Variants in RNF144A observed in about 807,000 individuals in gnomAD.
The protein encoded by RNF144A is ring finger protein 144A, also known as E3 ubiquitin-protein ligase RNF144A.
In RNF144A, 11 loss-of-function variants were observed where a neutral mutation model predicts 38.7. The observed-to-expected ratio is 0.28, with a 90% confidence interval of 0.18 to 0.47. The LOEUF (loss-of-function observed/expected upper bound fraction) is 0.47, where lower values mean the gene tolerates loss of function less well. Ranked by LOEUF, RNF144A falls within the 20% of genes least tolerant of loss-of-function variation. The probability of loss-of-function intolerance (pLI) is 0.99; values close to 1 mark genes in which losing one functional copy is unlikely to be tolerated. For missense variants in RNF144A, 316 were observed against 377.2 expected, an observed-to-expected ratio of 0.84 and a Z score of 1.34; for synonymous variants, 149 against 143.9, an observed-to-expected ratio of 1.04 and a Z score of -0.25.
chr2:7,059,040 A>G (rs531705446), intron 6 of RNF144A, among the ~76,000 whole-genome samples: 3 of 151,660 alleles, frequency 2.0e-5, no homozygotes, highest in Non-Finnish European at 4.4e-5. Flanking sequence ...GAGGTGAAAA[A>G]CCTGTTTAAA....
intron 3 of RNF144A, among the ~76,000 whole-genome samples, chr2:7,011,893 T>C (rs1305178990): frequency 6.6e-6 from 1 of 152,240 alleles, no homozygotes; most frequent in Non-Finnish European, 1.5e-5. Flanking sequence ...TCCCAGAACA[T>C]AATCCTTTTG....
At chr2:6,997,104 A>T (rs1467099714) in intron 3 of RNF144A, 43 bp downstream of exon 3, 1 of 1,602,302 alleles carries the variant, frequency 6.2e-7, no homozygotes, top group African/African-American at 1.3e-5. Flanking sequence ...TGATTTTAGG[A>T]TGAGCTTTTT....
intron 2 of RNF144A, among the ~76,000 whole-genome samples, chr2:6,985,185 A>G (rs1012783117): frequency 4.6e-5 from 7 of 152,106 alleles, no homozygotes; most frequent in African/African-American, 1.7e-4. Flanking sequence ...CTGATAAATG[A>G]AAGGTGATTC....
chr2:6,945,482 GTCT>G (rs1248794265), intron 2 of RNF144A, among the ~76,000 whole-genome samples: 1 of 152,206 alleles, frequency 6.6e-6, no homozygotes, highest in Non-Finnish European at 1.5e-5. Context: ...TGCTGGGTCA[GTCT>G]TCTCTGAGCC....
At chr2:6,986,204 C>T (rs1266423167) in intron 2 of RNF144A, among the ~76,000 whole-genome samples, 4 of 152,034 alleles carry the variant, frequency 2.6e-5, no homozygotes, top group Admixed American at 2.6e-4. Flanking sequence ...GTGACAGCCT[C>T]AGGGTCACAT....
intron 2 of RNF144A, among the ~76,000 whole-genome samples, chr2:6,975,788 A>G (rs1329180312): frequency 3.9e-5 from 6 of 152,218 alleles, no homozygotes; most frequent in Non-Finnish European, 8.8e-5. Context: ...ATTGCACCAC[A>G]GCACTCTAGC....
At chr2:6,976,445 T>A (rs1668319736) in intron 2 of RNF144A, among the ~76,000 whole-genome samples, 2 of 151,634 alleles carry the variant, frequency 1.3e-5, no homozygotes, top group South Asian at 4.2e-4. Flanking sequence ...TACTTCTCAA[T>A]TTATAAAGTT....
In RNF144A at chr2:6,991,264, G is replaced by A. The variant is rs144296239; in HGVS notation, c.-11-5652G>A. ...CATCATCTGCTTGGGAGGAGACAGC[G>A]TCCAAGTACTTTCCTAAAGCGTCAT... On this transcript the variant is annotated intron_variant, in intron 2 of 8. Coordinates refer to ENST00000320892, the MANE Select transcript of RNF144A (RefSeq NM_014746.6). Among the ~76,000 whole-genome samples the A allele has an allele frequency of 2.1e-3, 315 of 152,202 alleles. 2 individuals are homozygous for A. The highest frequency in any genetic ancestry group is 7.2e-3 in the African/African-American group (300 of 41,512).
intron 1 of RNF144A, among the ~76,000 whole-genome samples, chr2:6,919,146 C>T (rs1377204501): frequency 2.0e-5 from 3 of 152,058 alleles, no homozygotes; most frequent in African/African-American, 7.2e-5. Context: ...AAAGGGAGTC[C>T]CCTTTGCAAG....
intron 2 of RNF144A, among the ~76,000 whole-genome samples, chr2:6,960,996 G>A (rs1444218552): frequency 6.6e-6 from 1 of 152,160 alleles, no homozygotes; most frequent in Non-Finnish European, 1.5e-5. Context: ...GTGTTTGGTA[G>A]TGAAGAAAGC....
downstream of RNF144A, among the ~76,000 whole-genome samples, chr2:7,047,550 C>T (rs189784494): frequency 6.6e-6 from 1 of 152,272 alleles, no homozygotes; most frequent in East Asian, 1.9e-4. Flanking sequence ...AGACCAGCAC[C>T]AGTGATTCAA....
rs541480311 is a variant in RNF144A, at chr2:7,026,329, C to A, written c.657+1813C>A. Among the ~76,000 whole-genome samples, 167 of 152,266 alleles carry A rather than the reference C, an allele frequency of 1.1e-3. 1 individual carries two copies. The highest frequency in any genetic ancestry group is 3.7e-3 in the African/African-American group (152 of 41,544). On this transcript the variant is annotated intron_variant, in intron 7 of 8. Coordinates refer to ENST00000320892, the MANE Select transcript of RNF144A (RefSeq NM_014746.6). ...GGGTAAAATGTCACCATCTTCTATCCTGAGGCTTCATTTTTACTTCCTAGG... is the reference window on the plus strand; with the variant it reads ...GGGTAAAATGTCACCATCTTCTATCATGAGGCTTCATTTTTACTTCCTAGG...
At chr2:6,967,913 C>T (rs1464992040) in intron 2 of RNF144A, among the ~76,000 whole-genome samples, 1 of 152,180 alleles carries the variant, frequency 6.6e-6, no homozygotes, top group Non-Finnish European at 1.5e-5. Context: ...AAGCACTAAG[C>T]TACTTGACTT....
At chr2:6,948,895 G>A (rs1666503487) in intron 2 of RNF144A, among the ~76,000 whole-genome samples, 1 of 152,180 alleles carries the variant, frequency 6.6e-6, no homozygotes, top group South Asian at 2.1e-4. Context: ...GTGGGAGGAA[G>A]CACATATTGA....
chr2:7,037,374 G>A (rs918879029), intron 8 of RNF144A, among the ~76,000 whole-genome samples: 1 of 152,254 alleles, frequency 6.6e-6, no homozygotes, highest in African/African-American at 2.4e-5. Context: ...TGACTGCAAA[G>A]AATGTGTGGC....
downstream of RNF144A, among the ~76,000 whole-genome samples, chr2:7,045,154 C>T (rs771448433): frequency 3.9e-5 from 6 of 152,186 alleles, no homozygotes; most frequent in South Asian, 2.1e-4. Flanking sequence ...GTTCAACAAG[C>T]GCACAGAGTT....
At chr2:6,998,902 G>A (rs1203159264) in intron 3 of RNF144A, among the ~76,000 whole-genome samples, 1 of 152,100 alleles carries the variant, frequency 6.6e-6, no homozygotes, top group Non-Finnish European at 1.5e-5. Context: ...TGGGGGGTGG[G>A]GGCGGGGGGC....
At chr2:6,985,580 A>G (rs774729974) in intron 2 of RNF144A, among the ~76,000 whole-genome samples, 6 of 152,190 alleles carry the variant, frequency 3.9e-5, no homozygotes, top group African/African-American at 1.2e-4. Context: ...GAAGGTTCAG[A>G]TGGTTTAATA....
intron 3 of RNF144A, among the ~76,000 whole-genome samples, chr2:7,012,263 A>G (rs1403280000): frequency 6.6e-6 from 1 of 152,236 alleles, no homozygotes; most frequent in African/African-American, 2.4e-5. Context: ...AAGAGACAAC[A>G]GCCACTATTT....
Sources: allele counts gnomAD v4.1 joint callset (sites outside exome capture counted in the v4.1 genomes callset), GRCh38; gene constraint gnomAD v4.1.1; transcripts MANE v1.5; gene names NCBI Gene and HGNC (gene_info 2026-07-23, HGNC 2026-07-21).